The following PTPRD variants were observed in gnomAD, a reference collection of about 807,000 sequenced individuals.
PTPRD encodes the protein protein tyrosine phosphatase receptor type D.
In PTPRD, 34 loss-of-function variants were observed where a neutral mutation model predicts 214.5. The ratio of observed to expected loss-of-function variants is 0.16; its 90% CI spans 0.12 to 0.21. The LOEUF is 0.21. Among genes scored for constraint, PTPRD ranks in the 10% least tolerant of loss-of-function variants. The pLI, the probability that PTPRD is intolerant of heterozygous loss-of-function variation, is 1.00. For missense variants in PTPRD, 2,545 were observed against 2,398.7 expected (o/e 1.06, Z -1.27); for synonymous variants, 1,128 against 845.7 (o/e 1.33, Z -5.79).
intron 14 of PTPRD, among the ~76,000 whole-genome samples, chr9:8,573,060 T>C (rs188053584): frequency 6.6e-6 from 1 of 152,132 alleles, no homozygotes; most frequent in African/African-American, 2.4e-5. Flanking sequence ...TTGGTTTCTA[T>C]CAAATTGAAT....
At chr9:9,769,952 G>T (rs1334501562) in intron 5 of PTPRD, among the ~76,000 whole-genome samples, 1 of 152,084 alleles carries the variant, frequency 6.6e-6, no homozygotes, top group African/African-American at 2.4e-5. Flanking sequence ...TTCTTTTTAT[G>T]GCTGCATAGT....
At chr9:9,903,913 A>C (rs890241361) in intron 5 of PTPRD, among the ~76,000 whole-genome samples, 1 of 152,136 alleles carries the variant, frequency 6.6e-6, no homozygotes, top group African/African-American at 2.4e-5. Flanking sequence ...TGTGTCAATC[A>C]ACTAATAGGG....
chr9:8,415,570 C>CTTATT (rs59785309), intron 35 of PTPRD, among the ~76,000 whole-genome samples: 75,069 of 151,460 alleles, frequency 0.5, 19,049 homozygotes, highest in East Asian at 0.72. Context: ...AAACCATAGA[C>CTTATT]CTATTGTTTG....
intron 45 of PTPRD, among the ~76,000 whole-genome samples, chr9:8,319,370 C>T (rs1825009052): frequency 6.6e-6 from 1 of 151,822 alleles, no homozygotes; most frequent in Non-Finnish European, 1.5e-5. Flanking sequence ...CTAGGCTTAT[C>T]CAGAATCAAA....
chr9:8,815,151 G>C (rs1365182862), intron 11 of PTPRD, among the ~76,000 whole-genome samples: 1 of 151,678 alleles, frequency 6.6e-6, no homozygotes, highest in Non-Finnish European at 1.5e-5. Flanking sequence ...TGAGAAAAGG[G>C]ACAGTGAGAG....
intron 5 of PTPRD, among the ~76,000 whole-genome samples, chr9:9,825,746 A>C (rs1565551804): frequency 6.6e-6 from 1 of 151,776 alleles, no homozygotes; most frequent in East Asian, 1.9e-4. Context: ...TTTTTGGTTC[A>C]CGTAACTCTC....
At chr9:8,990,371 G>T (rs944478860) in intron 11 of PTPRD, among the ~76,000 whole-genome samples, 1 of 152,160 alleles carries the variant, frequency 6.6e-6, no homozygotes, top group African/African-American at 2.4e-5. Flanking sequence ...ATGTGCATCT[G>T]CTTGTACCGA....
chr9:9,167,181 T>C (rs569522191), intron 10 of PTPRD, among the ~76,000 whole-genome samples: 23 of 151,976 alleles, frequency 1.5e-4, no homozygotes, highest in African/African-American at 5.3e-4. Flanking sequence ...TTATATTTGT[T>C]TAAATGCCCG....
chr9:9,459,142 G>A (rs1406796588), intron 8 of PTPRD, among the ~76,000 whole-genome samples: 4 of 151,996 alleles, frequency 2.6e-5, no homozygotes, highest in African/African-American at 7.2e-5. Flanking sequence ...TGGCCCCACA[G>A]GAGATAGTGT....
intron 2 of PTPRD, among the ~76,000 whole-genome samples, chr9:10,345,465 C>A (rs1468235874): frequency 1.3e-5 from 2 of 149,968 alleles, no homozygotes; most frequent in African/African-American, 2.5e-5. Context: ...TCTCCACCTG[C>A]CCATTTGTTC....
At chr9:9,930,667 A>C (rs1199966935) in intron 5 of PTPRD, among the ~76,000 whole-genome samples, 1 of 152,126 alleles carries the variant, frequency 6.6e-6, no homozygotes, top group Non-Finnish European at 1.5e-5. Context: ...GATAGCATTG[A>C]GTATATCAGT....
At chr9:10,327,383 A>G (rs2096663671) in intron 3 of PTPRD, among the ~76,000 whole-genome samples, 1 of 151,552 alleles carries the variant, frequency 6.6e-6, no homozygotes, top group Non-Finnish European at 1.5e-5. Context: ...AGATAAATTG[A>G]TCATAAAATG....
intron 5 of PTPRD, among the ~76,000 whole-genome samples, chr9:9,809,203 T>C (rs1348795217): frequency 6.6e-6 from 1 of 151,894 alleles, no homozygotes; most frequent in Non-Finnish European, 1.5e-5. Flanking sequence ...GTCTATTCTG[T>C]CTATTGTCAG....
chr9:9,669,497 T>G lies in PTPRD; in HGVS notation c.-287+65036A>C, dbSNP rs187082560. ...GCTTTAGAAGGAATAAAGACCATTT[T>G]TAAAGTACCACATTAAACACATTTT... On this transcript the variant is annotated intron_variant, in intron 7 of 45. Coordinates refer to ENST00000381196, the MANE Select transcript of PTPRD (RefSeq NM_002839.4). Among the ~76,000 whole-genome samples, 1,138 of 152,316 alleles carry G rather than the reference T, an allele frequency of 7.5e-3. 12 individuals carry two copies. The highest frequency in any genetic ancestry group is 0.026 in the African/African-American group (1,082 of 41,582).
At chr9:10,191,760 A>G (rs2099364570) in intron 3 of PTPRD, among the ~76,000 whole-genome samples, 1 of 152,084 alleles carries the variant, frequency 6.6e-6, no homozygotes, top group African/African-American at 2.4e-5. Context: ...TTCTCATAGT[A>G]TTTTTTAAAT....
At chr9:9,558,811 T>A (rs1181053837) in intron 8 of PTPRD, among the ~76,000 whole-genome samples, 2 of 152,182 alleles carry the variant, frequency 1.3e-5, no homozygotes, top group Non-Finnish European at 2.9e-5. Context: ...CTGTATATAA[T>A]GCCCTATTAC....
Position 10,107,771 on chromosome 9 carries a change from G to A in PTPRD, c.-544-73981C>T, listed in dbSNP as rs1037751254. Among the ~76,000 whole-genome samples, 6 of 152,030 alleles carry A rather than the reference G, an allele frequency of 3.9e-5. 1 individual carries two copies. The highest frequency in any genetic ancestry group is 8.8e-5 in the Non-Finnish European group (6 of 67,988). On this transcript the variant is annotated intron_variant, in intron 3 of 45. Coordinates refer to ENST00000381196, the MANE Select transcript of PTPRD (RefSeq NM_002839.4). ...TTGCATTAGGGACTGGGAAAAGATA[G>A]ACATTAGAACTGCAATGTCAACTGC...
At chr9:10,361,066 C>A (rs1286332559) in intron 2 of PTPRD, among the ~76,000 whole-genome samples, 1 of 152,144 alleles carries the variant, frequency 6.6e-6, no homozygotes, top group Non-Finnish European at 1.5e-5. Flanking sequence ...GGAGCCACTG[C>A]ACTCCAGCCT....
At chr9:8,672,836 G>A (rs2097312903) in intron 12 of PTPRD, among the ~76,000 whole-genome samples, 1 of 107,366 alleles carries the variant, frequency 9.3e-6, no homozygotes, top group Non-Finnish European at 1.8e-5. Flanking sequence ...CTTAATTTTT[G>A]TACTCTGTGT....
Sources: gnomAD v4.1 joint callset for allele counts (sites outside exome capture counted in the v4.1 genomes callset) on GRCh38, gnomAD v4.1.1 for gene constraint, MANE v1.5 for transcripts, NCBI Gene and HGNC (gene_info 2026-07-23, HGNC 2026-07-21) for gene names.